Variants in PLA2G2C observed in about 807,000 individuals in gnomAD.
PLA2G2C encodes the protein phospholipase A2 group IIC.
In PLA2G2C, 15 loss-of-function variants were observed where a neutral mutation model predicts 14.3. The ratio of observed to expected loss-of-function variants is 1.05; its 90% CI spans 0.70 to 1.62. PLA2G2C has a LOEUF of 1.62. PLA2G2C is among the 40% of genes most tolerant of loss of function. The probability of loss-of-function intolerance (pLI) is 0.00; values close to 1 mark genes in which losing one functional copy is unlikely to be tolerated. For synonymous variants in PLA2G2C, 79 were observed against 67.7 expected (o/e 1.17, Z -0.82); for missense variants, 162 against 173.2 (o/e 0.94, Z 0.36).
At chr1:20,164,688 G>C (rs1211368012) in intron 4 of PLA2G2C, among the ~76,000 whole-genome samples, 1 of 152,220 alleles carries the variant, frequency 6.6e-6, no homozygotes, top group Non-Finnish European at 1.5e-5. Flanking sequence ...TCCAACTTGA[G>C]GCGTTCACAA....
At chr1:20,184,241 A>G (rs907299687) in intron 1 of PLA2G2C, 1 of 151,828 alleles carries the variant, frequency 6.6e-6, no homozygotes, top group African/African-American at 2.4e-5. Flanking sequence ...TGAGAAGCCA[A>G]TTTGATTCTC....
At chr1:20,165,374 C>T (rs961973861) in intron 4 of PLA2G2C, among the ~76,000 whole-genome samples, 48 of 152,328 alleles carry the variant, frequency 3.2e-4, no homozygotes, top group African/African-American at 1.1e-3. Flanking sequence ...ACTCACTGTG[C>T]TTTTTACTTA....
chr1:20,172,312 G>C (rs17352588), intron 4 of PLA2G2C, among the ~76,000 whole-genome samples: 9,122 of 152,086 alleles, frequency 0.06, 319 homozygotes, highest in African/African-American at 0.091. Flanking sequence ...CTCCTTGAAT[G>C]GTCTCAGTAA....
intron 4 of PLA2G2C, among the ~76,000 whole-genome samples, chr1:20,172,187 G>A (rs2018093514): frequency 6.6e-6 from 1 of 152,160 alleles, no homozygotes; most frequent in African/African-American, 2.4e-5. Flanking sequence ...AAATGTGCCT[G>A]CTGTCTAGGC....
chr1:20,183,146 C>T (rs1429709467), intron 1 of PLA2G2C, among the ~76,000 whole-genome samples: 1 of 152,244 alleles, frequency 6.6e-6, no homozygotes, highest in Non-Finnish European at 1.5e-5. Context: ...GTTAGTAGCC[C>T]TCACTAAGCA....
intron 4 of PLA2G2C, among the ~76,000 whole-genome samples, chr1:20,169,225 C>T (rs1156821371): frequency 6.6e-6 from 1 of 152,234 alleles, no homozygotes; most frequent in African/African-American, 2.4e-5. Flanking sequence ...GTTGCCCAGG[C>T]TGGAGTGCAG....
At chr1:20,171,563 CG>C (rs1435136872) in intron 4 of PLA2G2C, among the ~76,000 whole-genome samples, 1 of 152,052 alleles carries the variant, frequency 6.6e-6, no homozygotes, top group Admixed American at 6.5e-5. Context: ...GAACCCACTA[CG>C]GGATGGAGGA....
Position 20,163,958 on chromosome 1 carries a change from A to G in PLA2G2C, c.*33T>C. The G allele has an allele frequency of 6.3e-7, 1 of 1,596,566 alleles. No individual in the cohort carries two copies. The highest frequency in any genetic ancestry group is 8.5e-7 in the Non-Finnish European group (1 of 1,170,892). ...TCCTGGAAGAGCAACACTAGAGCGGATGCTGGATGATGAGAGGGACCCTGT... is the reference window on the plus strand; with the variant it reads ...TCCTGGAAGAGCAACACTAGAGCGGGTGCTGGATGATGAGAGGGACCCTGT... On this transcript the variant is annotated 3_prime_UTR_variant, in exon 5 of 5. Coordinates refer to ENST00000679259, the MANE Select transcript of PLA2G2C (RefSeq NM_001367969.2).
chr1:20,164,234 A>G, intron 4 of PLA2G2C, 77 bp from the exon 5 acceptor site: 1 of 1,457,484 alleles, frequency 6.9e-7, no homozygotes, highest in Non-Finnish European at 9.2e-7. Flanking sequence ...GAGAACTGGG[A>G]GCTCACTGTA....
chr1:20,184,195 A>ACGCG (rs1176526649), intron 1 of PLA2G2C: 2 of 115,234 alleles, frequency 1.7e-5, no homozygotes, highest in African/African-American at 7.3e-5. Flanking sequence ...GCGTGCGCAC[A>ACGCG]CGCACACACA....
chr1:20,171,040 AG>A (rs2018064981), intron 4 of PLA2G2C, among the ~76,000 whole-genome samples: 1 of 141,468 alleles, frequency 7.1e-6, no homozygotes, highest in Admixed American at 6.9e-5. Context: ...CAGAGAGCCT[AG>A]GCCAGCCCTG....
At chr1:20,179,359 C>A (rs189106104) in intron 1 of PLA2G2C, among the ~76,000 whole-genome samples, 1 of 150,608 alleles carries the variant, frequency 6.6e-6, no homozygotes, top group East Asian at 2.0e-4. Flanking sequence ...GGGCTCTGTG[C>A]GTGTGTGTGT....
intron 4 of PLA2G2C, among the ~76,000 whole-genome samples, chr1:20,168,609 A>G (rs2018017609): frequency 6.6e-6 from 1 of 152,252 alleles, no homozygotes; most frequent in Admixed American, 6.5e-5. Context: ...GTAAATGAGA[A>G]AAGTCTTTGC....
At chr1:20,185,227 G>T (rs1188093082) in intron 1 of PLA2G2C, among the ~76,000 whole-genome samples, 1 of 152,190 alleles carries the variant, frequency 6.6e-6, no homozygotes, top group African/African-American at 2.4e-5. Flanking sequence ...TCTAACTGAG[G>T]TTAGAGACCT....
At chr1:20,166,950 GCCA>G (rs2017989494) in intron 4 of PLA2G2C, among the ~76,000 whole-genome samples, 1 of 152,202 alleles carries the variant, frequency 6.6e-6, no homozygotes, top group African/African-American at 2.4e-5. Flanking sequence ...GTCTTTGGAG[GCCA>G]CCTTTTAAAA....
intron 1 of PLA2G2C, among the ~76,000 whole-genome samples, chr1:20,182,398 A>T (rs1400470754): frequency 3.9e-5 from 6 of 152,246 alleles, no homozygotes; most frequent in Non-Finnish European, 7.3e-5. Flanking sequence ...TACAGTATTT[A>T]GAACGGCAAC....
rs921142359 is a variant in PLA2G2C, at chr1:20,169,593, G to T, written c.283+3201C>A. On this transcript the variant is annotated intron_variant, in intron 4 of 4. Transcript: ENST00000679259. ...AGAAAATCCCAGTGCCGTAAGCAAAGAGGAAAAGAAAACTTGGACAAAAAG... is the reference window on the plus strand; with the variant it reads ...AGAAAATCCCAGTGCCGTAAGCAAATAGGAAAAGAAAACTTGGACAAAAAG... 3.3e-5 allele frequency among the ~76,000 whole-genome samples: 5 copies of T among 152,316 alleles called. No individual in the cohort carries two copies. In the East Asian group the frequency reaches 9.6e-4, roughly 29 times the overall value.
chr1:20,180,727 G>A (rs1019936111), intron 1 of PLA2G2C, among the ~76,000 whole-genome samples: 1 of 152,230 alleles, frequency 6.6e-6, no homozygotes, highest in African/African-American at 2.4e-5. Context: ...CGATTGTGCT[G>A]AAGCTAAAGC....
intron 1 of PLA2G2C, among the ~76,000 whole-genome samples, chr1:20,180,809 C>A (rs1041259336): frequency 6.6e-6 from 1 of 152,236 alleles, no homozygotes; most frequent in Non-Finnish European, 1.5e-5. Flanking sequence ...TGGCCTCCCA[C>A]GCCAGCCCCT....
Sources: gnomAD v4.1 joint callset for allele counts (sites outside exome capture counted in the v4.1 genomes callset) on GRCh38, gnomAD v4.1.1 for gene constraint, MANE v1.5 for transcripts, NCBI Gene and HGNC (gene_info 2026-07-23, HGNC 2026-07-21) for gene names.